R3HCC1L: variants seen among roughly 807,000 people sequenced by gnomAD.
R3HCC1L encodes the protein R3H domain and coiled-coil containing 1 like, also known as coiled-coil domain-containing protein R3HCC1L.
A neutral mutation model predicts 59.9 loss-of-function variants in R3HCC1L; 51 were observed. That is an observed-to-expected ratio of 0.85 (90% CI 0.68 to 1.07). R3HCC1L has a LOEUF of 1.07. R3HCC1L is among the 50% of genes least tolerant of loss of function. R3HCC1L has a pLI of 0.00. For synonymous variants in R3HCC1L, 322 were observed against 315.2 expected (o/e 1.02, Z -0.23); for missense variants, 965 against 933.0 (o/e 1.03, Z -0.45).
At chr10:98,234,631 T>C (rs1487164611) in intron 7 of R3HCC1L, 115 bp downstream of exon 7, 3 of 1,047,680 alleles carry the variant, frequency 2.9e-6, no homozygotes, top group Non-Finnish European at 4.3e-6. Flanking sequence ...GTGTAGGTAA[T>C]AGGGCAGTTA....
chr10:98,227,200 C>T (rs1055965294), intron 5 of R3HCC1L, among the ~76,000 whole-genome samples: 1 of 152,164 alleles, frequency 6.6e-6, no homozygotes, highest in Non-Finnish European at 1.5e-5. Flanking sequence ...ATATCATCTC[C>T]TTTAGTCCAT....
At chr10:98,162,018 A>T (rs529308039) in intron 2 of R3HCC1L, among the ~76,000 whole-genome samples, 17 of 152,216 alleles carry the variant, frequency 1.1e-4, no homozygotes, top group African/African-American at 4.1e-4. Flanking sequence ...AACAAAGAAT[A>T]TCTTTCCATT....
At chr10:98,239,334 G>A (rs978797388) in intron 9 of R3HCC1L, among the ~76,000 whole-genome samples, 1 of 152,100 alleles carries the variant, frequency 6.6e-6, no homozygotes, top group Non-Finnish European at 1.5e-5. Flanking sequence ...TTCTTTCTTG[G>A]TGAGTTTTGA....
chr10:98,183,331 CTTT>C (rs35199381), intron 4 of R3HCC1L, among the ~76,000 whole-genome samples: 6 of 138,202 alleles, frequency 4.3e-5, no homozygotes, highest in Non-Finnish European at 4.7e-5. Context: ...TGTATTGTGT[CTTT>C]TTTTTTTTTT....
intron 2 of R3HCC1L, among the ~76,000 whole-genome samples, chr10:98,158,762 C>A (rs971105575): frequency 1.3e-5 from 2 of 151,728 alleles, no homozygotes; most frequent in Non-Finnish European, 2.9e-5. Context: ...TGTCATATCT[C>A]TAGTTTCCTT....
At chr10:98,228,421 G>A (rs1855941354) in intron 5 of R3HCC1L, among the ~76,000 whole-genome samples, 1 of 152,136 alleles carries the variant, frequency 6.6e-6, no homozygotes, top group African/African-American at 2.4e-5. Context: ...CCCACTTGTT[G>A]ATGGGGTTTT....
At chr10:98,150,566 T>A (rs1340653744) in intron 1 of R3HCC1L, among the ~76,000 whole-genome samples, 2 of 152,126 alleles carry the variant, frequency 1.3e-5, no homozygotes, top group Admixed American at 1.3e-4. Context: ...CGGCACCAGC[T>A]GTCACCTTAA....
intron 6 of R3HCC1L, among the ~76,000 whole-genome samples, chr10:98,233,550 C>G (rs1336356477): frequency 1.3e-5 from 2 of 152,168 alleles, no homozygotes; most frequent in Non-Finnish European, 2.9e-5. Context: ...ATACTTTCTT[C>G]ATTTTTACAG....
intron 4 of R3HCC1L, among the ~76,000 whole-genome samples, chr10:98,200,218 C>G (rs562925090): frequency 1.2e-4 from 18 of 151,320 alleles, no homozygotes; most frequent in African/African-American, 4.3e-4. Context: ...TGTATTTTCA[C>G]ATTACTACTG....
At chr10:98,193,522 A>G (rs1419897370) in intron 4 of R3HCC1L, among the ~76,000 whole-genome samples, 3 of 152,206 alleles carry the variant, frequency 2.0e-5, no homozygotes, top group Non-Finnish European at 4.4e-5. Flanking sequence ...AACATCACAA[A>G]GAATAAAATG....
At chr10:98,237,386 G>C (rs533676052) in intron 9 of R3HCC1L, among the ~76,000 whole-genome samples, 5 of 152,110 alleles carry the variant, frequency 3.3e-5, no homozygotes, top group Non-Finnish European at 7.4e-5. Flanking sequence ...TATAAAAGGG[G>C]ATATGACTCC....
intron 2 of R3HCC1L, among the ~76,000 whole-genome samples, chr10:98,158,554 C>T (rs927240501): frequency 1.4e-4 from 21 of 152,052 alleles, no homozygotes; most frequent in Admixed American, 5.2e-4. Flanking sequence ...ATCTTACTCC[C>T]TTTTATACCT....
intron 1 of R3HCC1L, among the ~76,000 whole-genome samples, chr10:98,149,246 G>C (rs7090210): frequency 0.025 from 3,779 of 151,936 alleles, 152 homozygotes; most frequent in African/African-American, 0.082. Flanking sequence ...GATTTTATTT[G>C]GGTCTTCACT....
intron 2 of R3HCC1L, among the ~76,000 whole-genome samples, chr10:98,161,180 C>T (rs1302294621): frequency 6.6e-6 from 1 of 152,158 alleles, no homozygotes; most frequent in Non-Finnish European, 1.5e-5. Flanking sequence ...ACAACCTCAT[C>T]ATCAGAGTGT....
rs996615010 is a variant in R3HCC1L, at chr10:98,200,248, C to T, written c.-14-7853C>T. 9.4e-5 allele frequency among the ~76,000 whole-genome samples: 13 copies of T among 138,562 alleles called. 1 individual carries two copies. The South Asian group carries it at 2.3e-3, about 25-fold the overall frequency. The allele number at this position is 138,562 out of a possible 152,430, so 90.9% of individuals were successfully genotyped here. On this transcript the variant is annotated intron_variant, in intron 4 of 9. Coordinates refer to ENST00000298999, the MANE Select transcript of R3HCC1L (RefSeq NM_001351015.2). ...CTACTGAGTTGCATTGTATTTACTT[C>T]GTGTGATTGAGTATTTACAGCAATA...
chr10:98,228,825 A>G (rs1390786883), intron 5 of R3HCC1L, among the ~76,000 whole-genome samples: 2 of 152,174 alleles, frequency 1.3e-5, no homozygotes, highest in African/African-American at 2.4e-5. Context: ...TCCCAGCACC[A>G]TTTGTTAAAT....
At chr10:98,202,440 C>T (rs1852152764) in intron 4 of R3HCC1L, among the ~76,000 whole-genome samples, 1 of 152,134 alleles carries the variant, frequency 6.6e-6, no homozygotes, top group Non-Finnish European at 1.5e-5. Context: ...TCATGTGCCT[C>T]AAGATGTGAT....
intron 4 of R3HCC1L, among the ~76,000 whole-genome samples, chr10:98,197,175 C>T (rs1224263808): frequency 6.6e-6 from 1 of 151,346 alleles, no homozygotes; most frequent in Non-Finnish European, 1.5e-5. Flanking sequence ...GCCTTGAACT[C>T]CTGACCTCGG....
intron 2 of R3HCC1L, among the ~76,000 whole-genome samples, chr10:98,161,768 C>G (rs1847443481): frequency 6.6e-6 from 1 of 152,052 alleles, no homozygotes; most frequent in Non-Finnish European, 1.5e-5. Context: ...ATTTCTGTGC[C>G]ATTATCACAC....
Sources: allele counts gnomAD v4.1 joint callset (sites outside exome capture counted in the v4.1 genomes callset), GRCh38; gene constraint gnomAD v4.1.1; transcripts MANE v1.5; gene names NCBI Gene and HGNC (gene_info 2026-07-23, HGNC 2026-07-21).